SHANK1: variants seen among roughly 807,000 people sequenced by gnomAD.
The protein encoded by SHANK1 is SH3 and multiple ankyrin repeat domains protein 1.
Under a neutral mutation model 165.6 loss-of-function variants are expected in SHANK1, and 35 were observed. The ratio of observed to expected loss-of-function variants is 0.21; its 90% confidence interval spans 0.16 to 0.28. SHANK1 has a LOEUF of 0.28. Among genes scored for constraint, SHANK1 ranks in the 10% least tolerant of loss-of-function variants. The pLI, the probability that SHANK1 is intolerant of heterozygous loss-of-function variation, is 1.00. For missense variants in SHANK1, 2,681 were observed against 3,036.4 expected (o/e 0.88, Z 2.75); for synonymous variants, 1,428 against 1,384.8 (o/e 1.03, Z -0.69).
chr19:50,659,647 T>G lies in SHANK1; in HGVS notation c.*2318A>C, dbSNP rs1037151917. Among the ~76,000 whole-genome samples, 32 of 141,484 alleles carry G rather than the reference T, an allele frequency of 2.3e-4. No individual in the cohort carries two copies. The highest frequency in any genetic ancestry group is 5.6e-4 in the Admixed American group (8 of 14,162). The allele number at this position is 141,484 out of a possible 152,430, so 92.8% of individuals were successfully genotyped here. A position where few individuals can be genotyped will look rare whatever the true frequency, so the allele number is the denominator to read the frequency against. On this transcript the variant is annotated 3_prime_UTR_variant, in exon 24 of 24. Coordinates refer to ENST00000293441, the MANE Select transcript of SHANK1 (RefSeq NM_016148.5). ...TTTTGTGTGTTCTAGGGGTTTTGTG[T>G]TTTTTTTTTCTGTTTTTTATATTTT...
chr19:50,691,755 C>T (rs762308689), intron 15 of SHANK1, among the ~76,000 whole-genome samples: 81 of 152,362 alleles, frequency 5.3e-4, no homozygotes, highest in Non-Finnish European at 1.0e-3. Flanking sequence ...TAGCTCACTG[C>T]AGCCTCAAAC....
chr19:50,672,478 G>A (rs1985828664), intron 21 of SHANK1, among the ~76,000 whole-genome samples: 1 of 149,082 alleles, frequency 6.7e-6, no homozygotes, highest in African/African-American at 2.5e-5. Context: ...AACCCATGAG[G>A]TGGAGAGGTG....
chr19:50,715,659 C>T lies in SHANK1; in HGVS notation c.531G>A (p.Lys177=). 1 of 1,613,964 alleles carries T rather than the reference C, an allele frequency of 6.2e-7. No homozygotes were observed. The highest frequency in any genetic ancestry group is 2.2e-5 in the East Asian group (1 of 44,878). ...ATAGATGCCAGCAGGGTTTTCTCAC[C>T]TTCGTGTGCAACTTGGCCAGCTGCT... The part of the protein sequence containing the change: ...DEKQLAKLHT[K]TGLKKFLEYV... The change falls in exon 4 of 24, where the codon AAG becomes AAA. Residue 177 remains lysine (K), a splice_region_variant and synonymous_variant. Transcript: ENST00000293441.
intron 15 of SHANK1, among the ~76,000 whole-genome samples, chr19:50,691,895 C>T (rs535273123): frequency 3.3e-5 from 5 of 152,030 alleles, no homozygotes; most frequent in African/African-American, 7.2e-5. Flanking sequence ...ATCTTTCCCA[C>T]GCTGGTCTTG....
At position 50,704,447 on chromosome 19, in the gene SHANK1, G is replaced by T. The variant is rs761655026; in HGVS notation, c.1145C>A (p.Thr382Asn). 2.4e-5 allele frequency: 38 copies of T among 1,613,948 alleles called. No individual in the cohort carries two copies. The highest frequency in any genetic ancestry group is 3.1e-5 in the Non-Finnish European group (36 of 1,179,992). Residue 382 changes from threonine to asparagine, a missense_variant, in exon 9 of 24, where the codon ACC becomes AAC. This residue lies in a region of SHANK1 where 189 missense variants were observed against 440.9 expected (regional missense o/e 0.43). Coordinates refer to ENST00000293441, the MANE Select transcript of SHANK1 (RefSeq NM_016148.5). Reference protein sequence around the residue: ...DKDVKNNNGQTPFQVAVIAGN... With the variant: ...DKDVKNNNGQNPFQVAVIAGN... ...CCTGCAGCCCCAGACCTGGAAGGGG[G>T]TCTGTCCGTTGTTGTTCTTCACATC... is the stretch of plus-strand genomic sequence containing the variant.
At chr19:50,677,760 G>T (rs1986027697) in intron 21 of SHANK1, among the ~76,000 whole-genome samples, 1 of 152,100 alleles carries the variant, frequency 6.6e-6, no homozygotes, top group Admixed American at 6.5e-5. Context: ...AACAGCACAG[G>T]GCCAGCTCCA....
intron 8 of SHANK1, among the ~76,000 whole-genome samples, chr19:50,705,148 C>G (rs1286018063): frequency 6.6e-6 from 1 of 150,926 alleles, no homozygotes; most frequent in African/African-American, 2.4e-5. Flanking sequence ...TGAGCCCAGC[C>G]TGGCCAACAT....
At chr19:50,687,487 C>CT in intron 19 of SHANK1, 95 bp downstream of exon 19, 1 of 954,282 alleles carries the variant, frequency 1.0e-6, no homozygotes, top group South Asian at 1.7e-5. Flanking sequence ...ACAAGGACCC[C>CT]TGGTCACTAA....
At chr19:50,693,206 A>G (rs1986598170) in intron 15 of SHANK1, among the ~76,000 whole-genome samples, 1 of 137,732 alleles carries the variant, frequency 7.3e-6, no homozygotes, top group East Asian at 2.3e-4. Flanking sequence ...TACTGCCCAA[A>G]TCCCCACCCC....
rs945432764 is a variant in SHANK1, at chr19:50,666,168, T to A, written c.5768+24A>T. On this transcript the variant is annotated intron_variant, in intron 23 of 23. Transcript: ENST00000293441. Reference sequence around the variant, plus strand: ...TGCCATCAACACCTCTGGCCTCCCTTGTTGGCCACCAGCCCCCGCTTACCT... The same window carrying A: ...TGCCATCAACACCTCTGGCCTCCCTAGTTGGCCACCAGCCCCCGCTTACCT... 3.9e-6 allele frequency: 6 copies of A among 1,545,642 alleles called. No homozygotes were observed. In the East Asian group the frequency reaches 1.4e-4, roughly 36 times the overall value.
intron 12 of SHANK1, among the ~76,000 whole-genome samples, chr19:50,699,098 T>C (rs1599863142): frequency 6.6e-6 from 1 of 152,164 alleles, no homozygotes; most frequent in Admixed American, 6.5e-5. Context: ...ACAAACTGCC[T>C]CCCTTGAGAG....
chr19:50,694,665 G>A (rs951869617), intron 15 of SHANK1, among the ~76,000 whole-genome samples: 6 of 148,626 alleles, frequency 4.0e-5, no homozygotes, highest in Non-Finnish European at 6.0e-5. Flanking sequence ...TGCGTATTAG[G>A]GGGGAGGGTC....
intron 23 of SHANK1, 128 bp downstream of exon 23, chr19:50,666,064 G>T: frequency 1.3e-6 from 1 of 778,944 alleles, no homozygotes; most frequent in Non-Finnish European, 1.9e-6. Context: ...GTGAAAGCAT[G>T]CTTCTGTGAC....
chr19:50,688,008 C>T lies in SHANK1; in HGVS notation c.2223G>A (p.Met741Ile), dbSNP rs1275116300. The change falls in exon 18 of 24, where the codon ATG becomes ATA. Residue 741 changes from methionine (M) to isoleucine (I), a missense_variant. This residue lies in a region of SHANK1 where 147 missense variants were observed against 256.5 expected (regional missense o/e 0.57). Transcript: ENST00000293441. This position sits in a 1 kb window ranked among gnomAD's most constrained non-coding sequence, Gnocchi z 6.7. ...VKVGHRQVVN[M>I]IRQGGNTLMV... Reference sequence around the variant, plus strand: ...TCAGCGTGTTGCCCCCTTGGCGGATCATGTTCACCACCTGTCGGTGGCCGA... The same window carrying T: ...TCAGCGTGTTGCCCCCTTGGCGGATTATGTTCACCACCTGTCGGTGGCCGA... 2 of 1,614,158 alleles carry T rather than the reference C, an allele frequency of 1.2e-6. No individual in the cohort carries two copies. The highest frequency in any genetic ancestry group is 1.7e-5 in the Admixed American group (1 of 60,020).
In SHANK1 at chr19:50,666,245, G is replaced by A. The variant is rs1180315858; in HGVS notation, c.5715C>T (p.His1905=). The part of the protein sequence containing the change: ...RGGSGGGGDS[H]HGGASYVPER... ...CGGGGACATAGCTGGCTCCCCCGTGGTGGCTGTCTCCGCCTCCCCCACTGC... is the reference window on the plus strand; with the variant it reads ...CGGGGACATAGCTGGCTCCCCCGTGATGGCTGTCTCCGCCTCCCCCACTGC... Residue 1905 remains histidine, a synonymous_variant, in exon 23 of 24, where the codon CAC becomes CAT. Coordinates refer to ENST00000293441, the MANE Select transcript of SHANK1 (RefSeq NM_016148.5). 1 of 1,609,894 alleles carries A rather than the reference G, an allele frequency of 6.2e-7. No homozygotes were observed. Among genetic ancestry groups the A allele is most frequent in the Non-Finnish European group, 8.5e-7 (1 of 1,178,716 alleles).
intron 22 of SHANK1, 99 bp from the exon 23 acceptor site, chr19:50,669,384 G>T (rs1985708487): frequency 3.8e-6 from 3 of 794,942 alleles, no homozygotes; most frequent in Admixed American, 2.4e-5. Context: ...GACAAGAATG[G>T]CACCCCGTAT....
intron 23 of SHANK1, among the ~76,000 whole-genome samples, chr19:50,663,486 C>T (rs909028453): frequency 6.6e-6 from 1 of 152,156 alleles, no homozygotes; most frequent in Non-Finnish European, 1.5e-5. Flanking sequence ...TTGCCTGTTA[C>T]ATGAGAGACC....
chr19:50,692,085 A>G (rs1362702730), intron 15 of SHANK1, among the ~76,000 whole-genome samples: 1 of 152,028 alleles, frequency 6.6e-6, no homozygotes, highest in East Asian at 1.9e-4. Flanking sequence ...ACCCAAGAGA[A>G]TACTCGGGTA....
intron 21 of SHANK1, among the ~76,000 whole-genome samples, chr19:50,674,867 G>C (rs1247980238): frequency 6.6e-6 from 1 of 152,004 alleles, no homozygotes; most frequent in African/African-American, 2.4e-5. Flanking sequence ...TTCGAAACCA[G>C]CCTGGCCAAC....
Sources: gnomAD v4.1 joint callset for allele counts (sites outside exome capture counted in the v4.1 genomes callset) on GRCh38, gnomAD v4.1.1 for gene constraint, gnomAD v4.1.1 regional missense constraint, Gnocchi (gnomAD v3.1) non-coding constraint, MANE v1.5 for transcripts, NCBI Gene and HGNC (gene_info 2026-07-23, HGNC 2026-07-21) for gene names.